FAM186B: variants seen among roughly 807,000 people sequenced by gnomAD.
The protein encoded by FAM186B is protein FAM186B.
FAM186B carries 68 observed loss-of-function variants against 83.4 expected under a neutral mutation model. The ratio of observed to expected loss-of-function variants is 0.81; its 90% CI spans 0.67 to 1.00. The LOEUF (loss-of-function observed/expected upper bound fraction) is 1.00. Ranked by LOEUF, FAM186B falls within the 50% of genes least tolerant of loss-of-function variation. FAM186B has a pLI of 0.00. For synonymous variants in FAM186B, 389 were observed against 422.0 expected, an observed-to-expected ratio of 0.92 and a Z score of 0.96; for missense variants, 983 against 1,099.2, an observed-to-expected ratio of 0.89 and a Z score of 1.49.
intron 5 of FAM186B, among the ~76,000 whole-genome samples, chr12:49,590,669 CAGTA>C (rs2138249976): frequency 6.6e-6 from 1 of 152,166 alleles, no homozygotes; most frequent in African/African-American, 2.4e-5. Context: ...CACGAGGTCT[CAGTA>C]AGGACATGGA....
At chr12:49,617,737 T>A in the FAM186B span, among the ~76,000 whole-genome samples, 1 of 152,144 alleles carries the variant, frequency 6.6e-6, no homozygotes, top group African/African-American at 2.4e-5. Flanking sequence ...TAAAAAATGG[T>A]AGATTGAACA....
At chr12:49,598,151 G>A (rs1023562327) in intron 5 of FAM186B, among the ~76,000 whole-genome samples, 1 of 152,236 alleles carries the variant, frequency 6.6e-6, no homozygotes, top group Non-Finnish European at 1.5e-5. Flanking sequence ...AGTGAGGATA[G>A]ATATTAAGTA....
intron 3 of FAM186B, 109 bp from the exon 4 acceptor site, chr12:49,601,243 CGA>C (rs984217331): frequency 3.9e-5 from 55 of 1,411,850 alleles, no homozygotes; most frequent in Non-Finnish European, 4.9e-5. Flanking sequence ...AGGGATTTGG[CGA>C]GAGTAGGGAG....
chr12:49,607,688 T>A (rs1940050043), upstream of FAM186B, among the ~76,000 whole-genome samples: 1 of 152,114 alleles, frequency 6.6e-6, no homozygotes, highest in African/African-American at 2.4e-5. Flanking sequence ...GAGGTTAGCA[T>A]TATTTTTATT....
chr12:49,596,374 A>C (rs537765606), intron 5 of FAM186B, among the ~76,000 whole-genome samples: 1 of 150,254 alleles, frequency 6.7e-6, no homozygotes, highest in East Asian at 1.9e-4. Flanking sequence ...ACTGACATTT[A>C]TCCAAAAAAG....
At chr12:49,606,630 A>G (rs1399147050), upstream of FAM186B, among the ~76,000 whole-genome samples, 1 of 152,202 alleles carries the variant, frequency 6.6e-6, no homozygotes, top group East Asian at 1.9e-4. Context: ...TTCAAAATAC[A>G]TGAAGTAAAA....
At position 49,599,892 on chromosome 12, in the gene FAM186B, G is replaced by T. The variant is rs369228240; in HGVS notation, c.1748C>A (p.Thr583Asn). 18 of 1,610,844 alleles carry T rather than the reference G, an allele frequency of 1.1e-5. No homozygotes were observed. The highest frequency in any genetic ancestry group is 1.7e-5 in the Admixed American group (1 of 59,764). ...ELSLVPAPSR[T>N]QSAHQSRRPH... is the part of the protein sequence containing the mutation. ...CCTCCTGCTTTGGTGAGCAGATTGG[G>T]TCCGGCTTGGGGCAGGCACTAATGA... Residue 583 changes from threonine to asparagine, a missense_variant, in exon 4 of 7, where the codon ACC becomes AAC. Physicochemically the swap from Thr to Asn is moderately conservative, Grantham distance 65. Coordinates refer to ENST00000257894, the MANE Select transcript of FAM186B (RefSeq NM_032130.3).
In FAM186B at chr12:49,591,405, C is replaced by T. The variant is rs550749731; in HGVS notation, c.2365-2782G>A. Among the ~76,000 whole-genome samples the T allele has an allele frequency of 9.2e-5, 14 of 152,230 alleles. No homozygotes were observed. In the South Asian group the frequency reaches 1.0e-3, roughly 11 times the overall value. On this transcript the variant is annotated intron_variant, in intron 5 of 6. Coordinates refer to ENST00000257894, the MANE Select transcript of FAM186B (RefSeq NM_032130.3). The stretch of plus-strand genomic sequence containing the variant: ...CCCTGGGAAGAGTTTGTGTTTACAT[C>T]TGTAAAATACCGAAAGAAAAAGCTG...
chr12:49,587,473 T>C (rs1939470263), downstream of FAM186B: 2 of 1,292,522 alleles, frequency 1.5e-6, no homozygotes, highest in Non-Finnish European at 2.2e-6. Flanking sequence ...AGCCTCTCTC[T>C]ATCTGGTGTG....
chr12:49,595,180 C>T (rs771745840), intron 5 of FAM186B: 1 of 501,630 alleles, frequency 2.0e-6, no homozygotes, highest in Non-Finnish European at 3.8e-6. Flanking sequence ...TGGAGACGGT[C>T]ATCCTGTAGA....
upstream of FAM186B, among the ~76,000 whole-genome samples, chr12:49,607,370 G>T (rs967144851): frequency 1.3e-5 from 2 of 151,986 alleles, no homozygotes. Context: ...TCTACAGTGG[G>T]AATAATATGA....
chr12:49,597,291 G>C (rs1939749973), intron 5 of FAM186B, among the ~76,000 whole-genome samples: 1 of 152,154 alleles, frequency 6.6e-6, no homozygotes, highest in Non-Finnish European at 1.5e-5. Context: ...TAAAAAAGGA[G>C]ATCCTGCCAT....
At chr12:49,622,278 C>T in the FAM186B span, among the ~76,000 whole-genome samples, 3 of 151,706 alleles carry the variant, frequency 2.0e-5, no homozygotes, top group Non-Finnish European at 4.4e-5. Context: ...GTCTCCTCAC[C>T]CCACCTCCCC....
downstream of FAM186B, among the ~76,000 whole-genome samples, chr12:49,585,753 G>A (rs992382902): frequency 6.6e-6 from 1 of 152,226 alleles, no homozygotes; most frequent in Admixed American, 6.5e-5. Flanking sequence ...CCACAAAGAG[G>A]TGAGTGAGCC....
intron 5 of FAM186B, among the ~76,000 whole-genome samples, chr12:49,597,612 C>T (rs1236223832): frequency 3.3e-5 from 5 of 152,092 alleles, no homozygotes; most frequent in African/African-American, 7.2e-5. Context: ...TACTACTGCC[C>T]TTGCCAGAGG....
At chr12:49,614,338 CAACAGTGTTTTGGA>C in the FAM186B span, among the ~76,000 whole-genome samples, 1 of 152,060 alleles carries the variant, frequency 6.6e-6, no homozygotes, top group Non-Finnish European at 1.5e-5. Flanking sequence ...ACATGACCAC[CAACAGTGTTTTGGA>C]TAAAGAAAAT....
Position 49,599,793 on chromosome 12 carries a change from A to G in FAM186B, c.1847T>C (p.Phe616Ser), listed in dbSNP as rs1479113154. The change falls in exon 4 of 7, where the codon TTT becomes TCT. Residue 616 changes from phenylalanine (F) to serine (S), a missense_variant. By Grantham distance (155) the Phe-to-Ser change is radical (BLOSUM62 -2). Transcript: ENST00000257894. ...GKQRPMSSVE[F>S]TYRPRTRRVP... ...TCGGCGGGTCCGTGGTCTGTAGGTA[A>G]ACTCCACTGAACTCATAGGTCTCTG... The G allele has an allele frequency of 6.2e-7, 1 of 1,613,728 alleles. No homozygotes were observed. Among genetic ancestry groups the G allele is most frequent in the Admixed American group, 1.7e-5 (1 of 59,982 alleles).
At chr12:49,617,415 A>T in the FAM186B span, among the ~76,000 whole-genome samples, 1 of 152,150 alleles carries the variant, frequency 6.6e-6, no homozygotes, top group Non-Finnish European at 1.5e-5. Flanking sequence ...GTGGTAATAC[A>T]TGCCTGTAGA....
the FAM186B span, chr12:49,622,653 T>C: frequency 2.0e-5 from 3 of 152,258 alleles, no homozygotes; most frequent in East Asian, 1.9e-4. Context: ...CCTCTAACTC[T>C]TCGTGTCAGG....
Sources: allele counts gnomAD v4.1 joint callset (sites outside exome capture counted in the v4.1 genomes callset), GRCh38; gene constraint gnomAD v4.1.1; transcripts MANE v1.5; gene names NCBI Gene and HGNC (gene_info 2026-07-23, HGNC 2026-07-21).